MACROH2A2: variants seen among roughly 807,000 people sequenced by gnomAD.
MACROH2A2 encodes the protein macroH2A.2 histone.
Under a neutral mutation model 37.6 loss-of-function variants are expected in MACROH2A2, and 6 were observed. The observed-to-expected ratio is 0.16, with a 90% confidence interval of 0.09 to 0.32. The LOEUF (loss-of-function observed/expected upper bound fraction) is 0.32, where lower values mean the gene tolerates loss of function less well. Among genes scored for constraint, MACROH2A2 ranks in the 10% least tolerant of loss-of-function variants. The pLI is 1.00. For missense variants in MACROH2A2, 290 were observed against 485.9 expected (o/e 0.60, Z 3.79); for synonymous variants, 192 against 202.7 (o/e 0.95, Z 0.45).
chr10:70,072,373 T>C (rs1409893895), intron 1 of MACROH2A2, among the ~76,000 whole-genome samples: 1 of 152,164 alleles, frequency 6.6e-6, no homozygotes, highest in Non-Finnish European at 1.5e-5. Flanking sequence ...TCACATCTTG[T>C]CCACTGGAAA....
chr10:70,065,855 TAA>T (rs1381299225), intron 1 of MACROH2A2, among the ~76,000 whole-genome samples: 1 of 152,210 alleles, frequency 6.6e-6, no homozygotes, highest in African/African-American at 2.4e-5. Flanking sequence ...TATAAAAGTC[TAA>T]GTTTTCAGGT....
At chr10:70,055,215 CTG>C (rs2072007610) in intron 1 of MACROH2A2, among the ~76,000 whole-genome samples, 1 of 152,216 alleles carries the variant, frequency 6.6e-6, no homozygotes, top group Non-Finnish European at 1.5e-5. Context: ...TGAAAGGTAT[CTG>C]TAACTTGTTA....
intron 1 of MACROH2A2, among the ~76,000 whole-genome samples, chr10:70,060,943 C>G (rs545828776): frequency 6.7e-6 from 1 of 150,178 alleles, no homozygotes; most frequent in East Asian, 1.9e-4. Flanking sequence ...GATTGGGCCA[C>G]TGCACTCCAG....
chr10:70,100,195 C>T lies in MACROH2A2; in HGVS notation c.689-13C>T. The stretch of plus-strand genomic sequence containing the variant: ...GAACAACCACAGTGGCTTCCCATTG[C>T]TCTCCTTTGCAGGTAAAGCCTTGGA... On this transcript the variant is annotated splice_polypyrimidine_tract_variant and intron_variant, in intron 6 of 8. Transcript: ENST00000373255. 1 of 1,488,302 alleles carries T rather than the reference C, an allele frequency of 6.7e-7. No individual in the cohort carries two copies. The highest frequency in any genetic ancestry group is 9.4e-7 in the Non-Finnish European group (1 of 1,067,476). 92.2% of individuals were successfully genotyped at this position (1,488,302 alleles called of 1,614,324 possible). A position where few individuals can be genotyped will look rare whatever the true frequency, so the allele number is the denominator to read the frequency against.
chr10:70,102,032 C>T (rs891489570), intron 7 of MACROH2A2, among the ~76,000 whole-genome samples: 1 of 152,214 alleles, frequency 6.6e-6, no homozygotes, highest in Non-Finnish European at 1.5e-5. Flanking sequence ...TTCCCACCCA[C>T]ATGACTCCCA....
chr10:70,083,283 C>T (rs1353856607), intron 2 of MACROH2A2, among the ~76,000 whole-genome samples: 1 of 152,176 alleles, frequency 6.6e-6, no homozygotes, highest in Non-Finnish European at 1.5e-5. Flanking sequence ...TACCTTCTTC[C>T]CACACACAGG....
chr10:70,090,262 C>A, intron 3 of MACROH2A2, 96 bp downstream of exon 3: 2 of 758,210 alleles, frequency 2.6e-6, no homozygotes, highest in Admixed American at 2.2e-5. Flanking sequence ...GCTACAGTTC[C>A]CAATTACATT....
At chr10:70,081,317 C>A (rs78996872) in intron 2 of MACROH2A2, among the ~76,000 whole-genome samples, 7 of 151,966 alleles carry the variant, frequency 4.6e-5, no homozygotes, top group African/African-American at 1.5e-4. Flanking sequence ...AGTGAAGACC[C>A]CCTAGGTGTG....
chr10:70,092,806 G>A (rs940956090), intron 4 of MACROH2A2, among the ~76,000 whole-genome samples: 4 of 152,160 alleles, frequency 2.6e-5, no homozygotes, highest in Non-Finnish European at 4.4e-5. Context: ...GCAGAGCTCT[G>A]TGTTGCCTTC....
intron 1 of MACROH2A2, among the ~76,000 whole-genome samples, chr10:70,064,399 G>A (rs538685846): frequency 3.4e-4 from 51 of 152,220 alleles, no homozygotes; most frequent in African/African-American, 1.1e-3. Flanking sequence ...CAAGGCACAC[G>A]TAGAATTTCT....
intron 7 of MACROH2A2, among the ~76,000 whole-genome samples, chr10:70,106,973 G>T (rs934696906): frequency 6.6e-6 from 1 of 152,172 alleles, no homozygotes; most frequent in Non-Finnish European, 1.5e-5. Context: ...TGCAGGCAAG[G>T]CCCATCTCCA....
At chr10:70,062,018 G>A (rs1317683631) in intron 1 of MACROH2A2, among the ~76,000 whole-genome samples, 1 of 152,228 alleles carries the variant, frequency 6.6e-6, no homozygotes, top group East Asian at 1.9e-4. Flanking sequence ...CAGTGATTTA[G>A]CTCTTATTAC....
chr10:70,057,553 G>C (rs1378949533), intron 1 of MACROH2A2, among the ~76,000 whole-genome samples: 1 of 152,222 alleles, frequency 6.6e-6, no homozygotes, highest in Non-Finnish European at 1.5e-5. Context: ...TTGCTGTCAT[G>C]AGGGTTCTCA....
At chr10:70,105,911 G>A (rs934170205) in intron 7 of MACROH2A2, among the ~76,000 whole-genome samples, 1 of 152,204 alleles carries the variant, frequency 6.6e-6, no homozygotes, top group Non-Finnish European at 1.5e-5. Flanking sequence ...GTCATGAGGT[G>A]CAGGTCCCTG....
chr10:70,054,611 C>G (rs2072002795), intron 1 of MACROH2A2, among the ~76,000 whole-genome samples: 1 of 152,232 alleles, frequency 6.6e-6, no homozygotes, highest in South Asian at 2.1e-4. Context: ...GAGAACGTGT[C>G]TTCGTGTGTG....
At chr10:70,089,249 G>A (rs565909975) in intron 2 of MACROH2A2, among the ~76,000 whole-genome samples, 1 of 152,306 alleles carries the variant, frequency 6.6e-6, no homozygotes, top group African/African-American at 2.4e-5. Context: ...ATTCTGTATT[G>A]GTCAGGATTC....
chr10:70,061,030 G>T (rs1022564383), intron 1 of MACROH2A2, among the ~76,000 whole-genome samples: 17 of 151,726 alleles, frequency 1.1e-4, no homozygotes, highest in African/African-American at 4.1e-4. Flanking sequence ...AGACTACTTT[G>T]TCTTTTTATG....
intron 2 of MACROH2A2, among the ~76,000 whole-genome samples, chr10:70,076,784 T>C (rs1356864293): frequency 6.6e-6 from 1 of 152,168 alleles, no homozygotes; most frequent in Non-Finnish European, 1.5e-5. Flanking sequence ...TGAAATCCTC[T>C]GGGCTGTGGC....
intron 7 of MACROH2A2, among the ~76,000 whole-genome samples, chr10:70,102,956 AG>A (rs1277803205): frequency 2.0e-5 from 3 of 150,102 alleles, no homozygotes; most frequent in Non-Finnish European, 4.4e-5. Flanking sequence ...CCTCGGCTCC[AG>A]GTCTATAAGA....
Sources: gnomAD v4.1 joint callset for allele counts (sites outside exome capture counted in the v4.1 genomes callset) on GRCh38, gnomAD v4.1.1 for gene constraint, MANE v1.5 for transcripts, NCBI Gene and HGNC (gene_info 2026-07-23, HGNC 2026-07-21) for gene names.